SLC5A4: variants seen among roughly 807,000 people sequenced by gnomAD.
SLC5A4 encodes solute carrier family 5 member 4, also known as probable glucose sensor protein SLC5A4.
A neutral mutation model predicts 70.3 loss-of-function variants in SLC5A4; 55 were observed. The ratio of observed to expected loss-of-function variants is 0.78; its 90% CI spans 0.63 to 0.98. SLC5A4 has a LOEUF of 0.98. Among genes scored for constraint, SLC5A4 ranks in the 50% least tolerant of loss-of-function variants. The probability of loss-of-function intolerance (pLI) is 0.00; values close to 1 mark genes in which losing one functional copy is unlikely to be tolerated. For synonymous variants in SLC5A4, 268 were observed against 305.7 expected (o/e 0.88, Z 1.29); for missense variants, 735 against 839.2 (o/e 0.88, Z 1.53).
At chr22:32,240,658 A>T (rs1228833137) in intron 5 of SLC5A4, among the ~76,000 whole-genome samples, 1 of 152,144 alleles carries the variant, frequency 6.6e-6, no homozygotes, top group Non-Finnish European at 1.5e-5. Flanking sequence ...ATCATCTCTT[A>T]CTTGAAACCT....
At position 32,218,479 on chromosome 22, in the gene SLC5A4, A is replaced by G. The variant is rs1217237101; in HGVS notation, c.*35T>C. The G allele has an allele frequency of 8.2e-7, 1 of 1,214,810 alleles. No homozygotes were observed. 75.3% of individuals were successfully genotyped at this position (1,214,810 alleles called of 1,614,324 possible). ...AAAATTATCCTTTGGTTCATTATTA[A>G]GAATTATTCATTATTCTAATGGCTC... On this transcript the variant is annotated 3_prime_UTR_variant, in exon 15 of 15. Transcript: ENST00000266086.
chr22:32,225,780 G>T lies in SLC5A4; in HGVS notation c.1324C>A (p.Pro442Thr). The T allele has an allele frequency of 6.2e-7, 1 of 1,611,638 alleles. No individual in the cohort carries two copies. Among genetic ancestry groups the T allele is most frequent in the African/African-American group, 1.3e-5 (1 of 74,938 alleles). ...LLTVVSIVWV[P>T]LVQVSQNGQL... is the part of the protein sequence containing the mutation. ...CCATTTTGAGAAACTTGTACCAGTG[G>T]GACCCACACAATGCTCACAACAGTT... Residue 442 changes from proline (P) to threonine (T), a missense_variant, in exon 12 of 15, where the codon CCA (proline) becomes ACA (threonine). Physicochemically the swap from Pro to Thr is conservative, Grantham distance 38. Transcript: ENST00000266086.
At chr22:32,270,416 C>A in the SLC5A4 span, 2 of 1,444,282 alleles carry the variant, frequency 1.4e-6, no homozygotes, top group Non-Finnish European at 9.6e-7. Context: ...GACATGTGGA[C>A]AGTCATCGCC....
the SLC5A4 span, chr22:32,268,299 G>A: frequency 1.3e-5 from 2 of 152,054 alleles, no homozygotes; most frequent in Non-Finnish European, 2.9e-5. Context: ...GAGTGGTCAC[G>A]GCTGAACAAT....
chr22:32,317,447 C>T, the SLC5A4 span, among the ~76,000 whole-genome samples: 4 of 152,076 alleles, frequency 2.6e-5, no homozygotes, highest in Admixed American at 2.6e-4. Flanking sequence ...ACTCCATGTT[C>T]TTTTTTTAAT....
In SLC5A4 at chr22:32,252,737, T is replaced by C. The variant is rs533144985; in HGVS notation, c.208-863A>G. 2.9e-4 allele frequency among the ~76,000 whole-genome samples: 44 copies of C among 152,294 alleles called. No homozygotes were observed. In the South Asian group the frequency reaches 7.9e-3, roughly 27 times the overall value. ...ATCAGCTCTTCTCCCTTTAATCATA[T>C]GCAAAGACCCCAAGCTGGCTAGGAG... On this transcript the variant is annotated intron_variant, in intron 2 of 14. Transcript: ENST00000266086.
At chr22:32,249,665 A>G (rs1022714073) in intron 3 of SLC5A4, among the ~76,000 whole-genome samples, 1 of 152,220 alleles carries the variant, frequency 6.6e-6, no homozygotes, top group South Asian at 2.1e-4. Flanking sequence ...ACTATGATCC[A>G]ACTTTCCTTT....
intron 9 of SLC5A4, 104 bp from the exon 10 acceptor site, chr22:32,231,179 T>C: frequency 1.4e-6 from 1 of 729,500 alleles, no homozygotes; most frequent in Non-Finnish European, 2.4e-6. Flanking sequence ...GGAAAGACAT[T>C]TGCCTGGAAA....
the SLC5A4 span, among the ~76,000 whole-genome samples, chr22:32,344,899 A>G: frequency 6.6e-6 from 1 of 152,202 alleles, no homozygotes; most frequent in Non-Finnish European, 1.5e-5. Context: ...AAAAAAACCC[A>G]CAAGAACAAT....
chr22:32,333,196 A>ACCCCCCCCCCCCCCCCCCCC, the SLC5A4 span, among the ~76,000 whole-genome samples: 1 of 136,814 alleles, frequency 7.3e-6, no homozygotes, highest in African/African-American at 2.7e-5. Flanking sequence ...TAGCACTGGC[A>ACCCCCCCCCCCCCCCCCCCC]CCCCCCCCCC....
the SLC5A4 span, among the ~76,000 whole-genome samples, chr22:32,303,876 A>C: frequency 6.6e-6 from 1 of 152,208 alleles, no homozygotes; most frequent in South Asian, 2.1e-4. Flanking sequence ...AGAAACTGCC[A>C]AACTGTCTTC....
the SLC5A4 span, chr22:32,270,621 G>A: frequency 5.4e-6 from 4 of 735,292 alleles, no homozygotes; most frequent in Middle Eastern, 2.4e-4. Flanking sequence ...AGGGCCCCAC[G>A]GTCTTTGCCG....
the SLC5A4 span, among the ~76,000 whole-genome samples, chr22:32,320,125 T>G: frequency 6.6e-6 from 1 of 152,052 alleles, no homozygotes; most frequent in African/African-American, 2.4e-5. Context: ...ATAAGAGAAA[T>G]GCAAATTAAA....
the SLC5A4 span, among the ~76,000 whole-genome samples, chr22:32,314,797 T>C: frequency 7.2e-5 from 11 of 152,090 alleles, no homozygotes; most frequent in African/African-American, 2.2e-4. Context: ...TCACGTCTTA[T>C]GTGGATGGTG....
At chr22:32,227,984 A>T (rs1925504126) in intron 11 of SLC5A4, among the ~76,000 whole-genome samples, 1 of 152,134 alleles carries the variant, frequency 6.6e-6, no homozygotes. Flanking sequence ...ATTGTATTTC[A>T]AGGGATACAA....
At chr22:32,271,811 C>G in the SLC5A4 span, 2 of 607,990 alleles carry the variant, frequency 3.3e-6, no homozygotes, top group South Asian at 2.9e-5. Context: ...TCCTGCCTAC[C>G]TGTCCTATGA....
intron 5 of SLC5A4, among the ~76,000 whole-genome samples, chr22:32,243,629 T>A (rs998334090): frequency 6.6e-6 from 1 of 152,176 alleles, no homozygotes; most frequent in Non-Finnish European, 1.5e-5. Context: ...CTGGATCAGG[T>A]AGAATCATCA....
Position 32,238,980 on chromosome 22 carries a change from C to G in SLC5A4, c.583+5G>C, listed in dbSNP as rs1345848620. On this transcript the variant is annotated splice_donor_5th_base_variant and intron_variant, in intron 6 of 14. Coordinates refer to ENST00000266086, the MANE Select transcript of SLC5A4 (RefSeq NM_014227.3). ...CTGAGTGAGCAAAATATGCAACATA[C>G]TTACCAGTGGTGGTGTAAACAGCAG... The G allele has an allele frequency of 2.5e-6, 4 of 1,604,522 alleles. No homozygotes were observed. The South Asian group carries it at 3.3e-5, about 13-fold the overall frequency.
chr22:32,292,129 G>GAT, the SLC5A4 span, among the ~76,000 whole-genome samples: 2 of 70,316 alleles, frequency 2.8e-5, no homozygotes, highest in African/African-American at 6.4e-5. Context: ...ACATATACTA[G>GAT]ATATTATATA....
Sources: gnomAD v4.1 joint callset for allele counts (sites outside exome capture counted in the v4.1 genomes callset) on GRCh38, gnomAD v4.1.1 for gene constraint, MANE v1.5 for transcripts, NCBI Gene and HGNC (gene_info 2026-07-23, HGNC 2026-07-21) for gene names.